Variants in DENND1A observed in about 807,000 individuals in gnomAD.
DENND1A encodes the protein DENN domain containing 1A.
In DENND1A, 51 loss-of-function variants were observed where a neutral mutation model predicts 113.7. That is an observed-to-expected ratio of 0.45 (90% CI 0.36 to 0.57). The LOEUF is 0.57. Ranked by LOEUF, DENND1A falls within the 20% of genes least tolerant of loss-of-function variation. The pLI is 0.00. For synonymous variants in DENND1A, 565 were observed against 570.8 expected (o/e 0.99, Z 0.14); for missense variants, 1,258 against 1,395.9 (o/e 0.90, Z 1.57).
intron 3 of DENND1A, among the ~76,000 whole-genome samples, chr9:123,786,206 T>A (rs750163105): frequency 1.5e-4 from 22 of 151,028 alleles, no homozygotes; most frequent in Non-Finnish European, 3.0e-4. Flanking sequence ...AGAGCAAGAC[T>A]GTCTCAAAAA....
At chr9:123,440,315 T>TA (rs759352081) in intron 19 of DENND1A, 45 bp downstream of exon 19, 17,871 of 1,219,828 alleles carry the variant, frequency 0.015, no homozygotes, top group South Asian at 0.024. Context: ...AAAACAAAAA[T>TA]AAAAAAAAAA....
chr9:123,501,874 A>G (rs749851507), intron 13 of DENND1A, among the ~76,000 whole-genome samples: 9 of 152,192 alleles, frequency 5.9e-5, no homozygotes, highest in Non-Finnish European at 1.2e-4. Flanking sequence ...TCAGACTCCA[A>G]GTTCTTCAGT....
At chr9:123,461,526 G>C (rs1395359942) in intron 13 of DENND1A, among the ~76,000 whole-genome samples, 2 of 152,216 alleles carry the variant, frequency 1.3e-5, no homozygotes, top group Non-Finnish European at 2.9e-5. Context: ...CTGCTCCAAG[G>C]AAATGCTCAC....
At chr9:123,650,689 T>C (rs1012878887) in intron 9 of DENND1A, among the ~76,000 whole-genome samples, 1 of 151,988 alleles carries the variant, frequency 6.6e-6, no homozygotes, top group African/African-American at 2.4e-5. Context: ...GGTGGATCAC[T>C]TGAGGTCAAG....
At chr9:123,904,692 A>C (rs1485040910) in intron 1 of DENND1A, among the ~76,000 whole-genome samples, 3 of 150,944 alleles carry the variant, frequency 2.0e-5, no homozygotes, top group Admixed American at 2.0e-4. Context: ...AAAGCCTCCA[A>C]GAAATATGGG....
intron 13 of DENND1A, among the ~76,000 whole-genome samples, chr9:123,521,251 T>A (rs1471153311): frequency 6.6e-6 from 1 of 152,206 alleles, no homozygotes; most frequent in Non-Finnish European, 1.5e-5. Flanking sequence ...ATTTTTCTGT[T>A]GGTTATCAGG....
At chr9:123,776,514 AC>A (rs1404866701) in intron 3 of DENND1A, among the ~76,000 whole-genome samples, 3 of 152,214 alleles carry the variant, frequency 2.0e-5, no homozygotes, top group African/African-American at 7.2e-5. Flanking sequence ...ATGATATGGT[AC>A]CAAAAAATAG....
intron 10 of DENND1A, among the ~76,000 whole-genome samples, 173 bp downstream of exon 10, chr9:123,630,203 G>A: frequency 7.5e-6 from 1 of 134,186 alleles, no homozygotes; most frequent in African/African-American, 3.0e-5. Context: ...ACCATGACTG[G>A]CTTTTTTTTT....
chr9:123,704,951 C>G (rs1248073568), intron 5 of DENND1A, among the ~76,000 whole-genome samples: 1 of 151,730 alleles, frequency 6.6e-6, no homozygotes, highest in Non-Finnish European at 1.5e-5. Context: ...GTGAAAAAGC[C>G]TAATGTATTC....
intron 11 of DENND1A, among the ~76,000 whole-genome samples, chr9:123,590,153 G>C (rs2059389657): frequency 6.6e-6 from 1 of 152,184 alleles, no homozygotes; most frequent in East Asian, 1.9e-4. Context: ...TGGCTAGAGA[G>C]ACTGAGGCAG....
chr9:123,506,580 CAAAAAAA>C (rs10542393), intron 13 of DENND1A, among the ~76,000 whole-genome samples: 1 of 73,900 alleles, frequency 1.4e-5, no homozygotes, highest in Non-Finnish European at 2.3e-5. Context: ...GACTCTGTCT[CAAAAAAA>C]AAAAAAAAAA....
intron 9 of DENND1A, among the ~76,000 whole-genome samples, chr9:123,637,951 GCGCACACACACA>G (rs2061801837): frequency 2.2e-4 from 4 of 17,780 alleles, no homozygotes; most frequent in Middle Eastern, 0.04. Flanking sequence ...ACACACACAC[GCGCACACACACA>G]CACACACACA....
chr9:123,809,124 C>T (rs551627415), intron 2 of DENND1A, among the ~76,000 whole-genome samples: 15 of 152,168 alleles, frequency 9.9e-5, no homozygotes, highest in Non-Finnish European at 2.1e-4. Flanking sequence ...CTAGAAGGAA[C>T]GGCACGATGG....
At chr9:123,711,255 A>G (rs552621352) in intron 5 of DENND1A, among the ~76,000 whole-genome samples, 2 of 151,610 alleles carry the variant, frequency 1.3e-5, no homozygotes, top group South Asian at 4.2e-4. Context: ...ACCTGAGGTC[A>G]GGAGTTCAAA....
At chr9:123,810,565 A>G (rs1285226765) in intron 2 of DENND1A, among the ~76,000 whole-genome samples, 1 of 151,090 alleles carries the variant, frequency 6.6e-6, no homozygotes, top group African/African-American at 2.4e-5. Context: ...AAAAAAAAAA[A>G]AAAACAAACA....
At chr9:123,638,149 C>G (rs1232266212) in intron 9 of DENND1A, among the ~76,000 whole-genome samples, 2 of 152,140 alleles carry the variant, frequency 1.3e-5, no homozygotes, top group Admixed American at 6.5e-5. Flanking sequence ...GGGCAACAAG[C>G]TTTCATGCCA....
At chr9:123,481,775 A>G (rs2050354090) in intron 13 of DENND1A, among the ~76,000 whole-genome samples, 1 of 151,144 alleles carries the variant, frequency 6.6e-6, no homozygotes, top group African/African-American at 2.4e-5. Flanking sequence ...TTCAATATGC[A>G]TATTGTCTTT....
Position 123,602,019 on chromosome 9 carries a change from G to A in DENND1A, c.765+7417C>T, listed in dbSNP as rs141176362. Among the ~76,000 whole-genome samples the A allele has an allele frequency of 1.3e-3, 195 of 152,338 alleles. 3 individuals are homozygous for A. The highest frequency in any genetic ancestry group is 0.01 in the Middle Eastern group (3 of 294). On this transcript the variant is annotated intron_variant, in intron 11 of 23. Coordinates refer to ENST00000394215, the MANE Select transcript of DENND1A (RefSeq NM_001352964.2). ...CAGGCATAATCCACATGGCCTGATGGGAGGGTACGCAGATCAGAGGCTCTG... is the reference window on the plus strand; with the variant it reads ...CAGGCATAATCCACATGGCCTGATGAGAGGGTACGCAGATCAGAGGCTCTG...
intron 13 of DENND1A, among the ~76,000 whole-genome samples, chr9:123,494,429 A>G (rs2051676491): frequency 6.6e-6 from 1 of 152,212 alleles, no homozygotes; most frequent in South Asian, 2.1e-4. Context: ...AGATGAGACA[A>G]CTGAGGCCAA....
Sources: allele counts gnomAD v4.1 joint callset (sites outside exome capture counted in the v4.1 genomes callset), GRCh38; gene constraint gnomAD v4.1.1; transcripts MANE v1.5; gene names NCBI Gene and HGNC (gene_info 2026-07-23, HGNC 2026-07-21).